HCN1: variants seen among roughly 807,000 people sequenced by gnomAD.
The protein encoded by HCN1 is hyperpolarization activated cyclic nucleotide gated potassium channel 1, also known as potassium/sodium hyperpolarization-activated cyclic nucleotide-gated channel 1.
HCN1 carries 13 observed loss-of-function variants against 78.9 expected under a neutral mutation model. The ratio of observed to expected loss-of-function variants is 0.16; its 90% CI spans 0.11 to 0.26. The LOEUF is 0.26. Among genes scored for constraint, HCN1 ranks in the 10% least tolerant of loss-of-function variants. HCN1 has a pLI of 1.00. For synonymous variants in HCN1, 552 were observed against 455.5 expected (o/e 1.21, Z -2.70); for missense variants, 810 against 1,154.3 (o/e 0.70, Z 4.32).
At chr5:45,603,980 G>A (rs1161798607) in intron 2 of HCN1, among the ~76,000 whole-genome samples, 1 of 152,006 alleles carries the variant, frequency 6.6e-6, no homozygotes, top group Non-Finnish European at 1.5e-5. Context: ...TCAAAGAAAA[G>A]TAGATCATGA....
intron 5 of HCN1, among the ~76,000 whole-genome samples, chr5:45,341,304 A>G (rs1042086111): frequency 6.6e-6 from 1 of 152,210 alleles, no homozygotes; most frequent in Non-Finnish European, 1.5e-5. Flanking sequence ...AATAGCGGAA[A>G]CAATAACCAA....
rs1554014620 is a variant in HCN1 at position 45,266,704 on chromosome 5, A to ACT, written c.1783+384_1783+385insAG. ...AGCAAGCTATAAACTGGCATGTGGG[A>ACT]TTTTTTTTTTTTTTTTTTCTCTGAG... On this transcript the variant is annotated intron_variant, in intron 7 of 7. Coordinates refer to ENST00000303230, the MANE Select transcript of HCN1 (RefSeq NM_021072.4). Among the ~76,000 whole-genome samples the ACT allele has an allele frequency of 7.4e-3, 1,014 of 136,634 alleles. 14 individuals are homozygous for ACT. The highest frequency in any genetic ancestry group is 0.026 in the African/African-American group (971 of 37,224). The allele number at this position is 136,634 out of a possible 152,430, so 89.6% of individuals were successfully genotyped here.
rs1744655289 is a variant in HCN1 at position 45,258,048 on chromosome 5, T to C, written c.*3873A>G. Reference sequence around the variant, plus strand: ...CACATGGGTTTTATGGCACATGTTCTAAAAAGATAAAGATATAATGGAGAG... The same window carrying C: ...CACATGGGTTTTATGGCACATGTTCCAAAAAGATAAAGATATAATGGAGAG... On this transcript the variant is annotated 3_prime_UTR_variant, in exon 8 of 8. Coordinates refer to ENST00000303230, the MANE Select transcript of HCN1 (RefSeq NM_021072.4). The C allele has an allele frequency of 6.6e-6, 1 of 152,092 alleles. No individual in the cohort carries two copies. The allele number at this position is 152,092 out of a possible 1,614,324, so 9.4% of individuals were successfully genotyped here.
intron 5 of HCN1, among the ~76,000 whole-genome samples, chr5:45,347,886 T>C (rs1469704886): frequency 6.6e-6 from 1 of 152,224 alleles, no homozygotes; most frequent in Non-Finnish European, 1.5e-5. Flanking sequence ...AATCTACGTC[T>C]GATTGGTGTA....
chr5:45,328,704 A>T (rs1048093516), intron 5 of HCN1, among the ~76,000 whole-genome samples: 1 of 151,540 alleles, frequency 6.6e-6, no homozygotes, highest in African/African-American at 2.4e-5. Context: ...GTATTTCTGG[A>T]TTTTTCCATT....
At chr5:45,286,249 T>C (rs1745268547) in intron 6 of HCN1, among the ~76,000 whole-genome samples, 1 of 151,946 alleles carries the variant, frequency 6.6e-6, no homozygotes, top group Non-Finnish European at 1.5e-5. Context: ...GTGCAAACAT[T>C]ATATCCTTTC....
At chr5:45,580,361 C>G (rs529313916) in intron 2 of HCN1, among the ~76,000 whole-genome samples, 1 of 152,024 alleles carries the variant, frequency 6.6e-6, no homozygotes, top group African/African-American at 2.4e-5. Context: ...TTAAATTTCT[C>G]CTGGGGGTCA....
At chr5:45,523,207 C>T (rs569560057) in intron 2 of HCN1, among the ~76,000 whole-genome samples, 17 of 152,214 alleles carry the variant, frequency 1.1e-4, no homozygotes, top group African/African-American at 3.4e-4. Flanking sequence ...CTTATGGCTG[C>T]GTAGTATTCC....
At chr5:45,267,834 C>T (rs1744891755) in intron 6 of HCN1, among the ~76,000 whole-genome samples, 1 of 151,840 alleles carries the variant, frequency 6.6e-6, no homozygotes, top group Non-Finnish European at 1.5e-5. Context: ...GGCTGAAACA[C>T]AGTATACCTT....
chr5:45,267,806 C>T (rs1420537640), intron 6 of HCN1, among the ~76,000 whole-genome samples: 1 of 152,012 alleles, frequency 6.6e-6, no homozygotes, highest in Non-Finnish European at 1.5e-5. Flanking sequence ...ATGGTTGAGA[C>T]TTTTGGTTTA....
chr5:45,376,349 TAGAG>T (rs374514550), intron 4 of HCN1, among the ~76,000 whole-genome samples: 140 of 109,472 alleles, frequency 1.3e-3, no homozygotes, highest in African/African-American at 1.9e-3. Context: ...TATATATATA[TAGAG>T]AGAGAGAGAG....
chr5:45,618,903 G>C (rs528377556), intron 2 of HCN1, among the ~76,000 whole-genome samples: 1 of 152,100 alleles, frequency 6.6e-6, no homozygotes, highest in African/African-American at 2.4e-5. Context: ...TGGGTTTGAA[G>C]CACCATGCAG....
chr5:45,626,631 A>G (rs1745168435), intron 2 of HCN1, among the ~76,000 whole-genome samples: 1 of 152,184 alleles, frequency 6.6e-6, no homozygotes, highest in Non-Finnish European at 1.5e-5. Context: ...GGGGAGGCAG[A>G]GAAAACAACC....
intron 6 of HCN1, among the ~76,000 whole-genome samples, chr5:45,296,011 T>C (rs1745484925): frequency 6.6e-6 from 1 of 152,014 alleles, no homozygotes. Flanking sequence ...AAACTTATTT[T>C]TTCTGTAAAC....
At chr5:45,644,573 T>C (rs2112030724) in intron 2 of HCN1, 1 of 152,590 alleles carries the variant, frequency 6.6e-6, no homozygotes, top group South Asian at 2.1e-4. Flanking sequence ...TGTACTAATG[T>C]CCCTCATGAA....
intron 2 of HCN1, among the ~76,000 whole-genome samples, chr5:45,508,636 A>T (rs1408720515): frequency 6.6e-6 from 1 of 152,168 alleles, no homozygotes; most frequent in African/African-American, 2.4e-5. Context: ...TCAATGAAAA[A>T]AACTGACATT....
Position 45,260,739 on chromosome 5 carries a change from TA to T in HCN1, c.*1181del, listed in dbSNP as rs1433319477. On this transcript the variant is annotated 3_prime_UTR_variant, in exon 8 of 8. Transcript: ENST00000303230. ...ATTTAAATAATAATAGCAATAATAT[TA>T]AATAAAAGTGAAAACCTCACTTCTA... 2.6e-5 allele frequency: 4 copies of T among 152,556 alleles called. No homozygotes were observed. The allele number at this position is 152,556 out of a possible 1,614,324, so 9.5% of individuals were successfully genotyped here. A position where few individuals can be genotyped will look rare whatever the true frequency, so the allele number is the denominator to read the frequency against.
intron 3 of HCN1, among the ~76,000 whole-genome samples, chr5:45,416,535 G>C (rs997904289): frequency 7.9e-5 from 12 of 151,932 alleles, no homozygotes; most frequent in Non-Finnish European, 1.6e-4. Context: ...AAAGTAAAAA[G>C]TGTGTTCTAT....
intron 6 of HCN1, among the ~76,000 whole-genome samples, chr5:45,295,249 ACCTTTTTGTAAC>A: frequency 6.6e-6 from 1 of 151,976 alleles, no homozygotes; most frequent in Non-Finnish European, 1.5e-5. Flanking sequence ...TATGGTTGTC[ACCTTTTTGTAAC>A]GTGGCTTAAT....
Sources: gnomAD v4.1 joint callset for allele counts (sites outside exome capture counted in the v4.1 genomes callset) on GRCh38, gnomAD v4.1.1 for gene constraint, MANE v1.5 for transcripts, NCBI Gene and HGNC (gene_info 2026-07-23, HGNC 2026-07-21) for gene names.